Variants in FBLN1 observed in about 807,000 individuals in gnomAD.
FBLN1 encodes the protein fibulin 1, also known as fibulin-1.
In FBLN1, 34 loss-of-function variants were observed where a neutral mutation model predicts 89.7. That is an observed-to-expected ratio of 0.38 (90% CI 0.29 to 0.50). The LOEUF is 0.50. FBLN1 is among the 20% of genes least tolerant of loss of function. The pLI is 0.92. For missense variants in FBLN1, 777 were observed against 988.1 expected, an observed-to-expected ratio of 0.79 and a Z score of 2.86; for synonymous variants, 393 against 391.3, an observed-to-expected ratio of 1.00 and a Z score of -0.05.
chr22:45,584,587 T>C (rs943066059), intron 16 of FBLN1, among the ~76,000 whole-genome samples: 2 of 152,150 alleles, frequency 1.3e-5, no homozygotes, highest in Non-Finnish European at 2.9e-5. Flanking sequence ...CTCAGTAAAA[T>C]TGCCATAATA....
At chr22:45,541,887 C>G (rs1180208454) in intron 9 of FBLN1, among the ~76,000 whole-genome samples, 1 of 152,214 alleles carries the variant, frequency 6.6e-6, no homozygotes, top group Non-Finnish European at 1.5e-5. Flanking sequence ...ACCCCCAGGA[C>G]ACTTCTTCAG....
At position 45,563,886 on chromosome 22, in the gene FBLN1, G is replaced by A. The variant is rs2088878200; in HGVS notation, c.1698-10625G>A. Among the ~76,000 whole-genome samples, 1 of 152,230 alleles carries A rather than the reference G, an allele frequency of 6.6e-6. No homozygotes were observed. Among genetic ancestry groups the A allele is most frequent in the Non-Finnish European group, 1.5e-5 (1 of 68,038 alleles). On this transcript the variant is annotated intron_variant, in intron 14 of 16. Transcript: ENST00000327858. This position sits in a 1 kb window ranked among gnomAD's most constrained non-coding sequence, Gnocchi z 5.7. ...ATCAGAAGCCCAAATCTGTGGTGCA[G>A]AAACACGGGATGCGGTTGCGGCTCC...
At chr22:45,598,294 G>A (rs1358249884) in intron 16 of FBLN1, among the ~76,000 whole-genome samples, 2 of 152,174 alleles carry the variant, frequency 1.3e-5, no homozygotes, top group African/African-American at 4.8e-5. Context: ...GTGTTGCCAC[G>A]TGGTACCGGA....
At chr22:45,553,357 A>T (rs2088730087) in intron 14 of FBLN1, among the ~76,000 whole-genome samples, 3 of 152,008 alleles carry the variant, frequency 2.0e-5, no homozygotes, top group Admixed American at 2.0e-4. Flanking sequence ...TGCTGAGGGG[A>T]CATGTCTGGA....
rs1376557603 is a variant in FBLN1, at chr22:45,563,841, C to T, written c.1698-10670C>T. On this transcript the variant is annotated intron_variant, in intron 14 of 16. Coordinates refer to ENST00000327858, the MANE Select transcript of FBLN1 (RefSeq NM_006486.3). The surrounding 1 kb of genome is among the most constrained non-coding windows in gnomAD (Gnocchi z 5.7). ...GAAAGCTCTCTCCTGAGATTCAAGC[C>T]TCCTCTTCTGTTTGTCTTGATCAGA... 3.3e-5 allele frequency among the ~76,000 whole-genome samples: 5 copies of T among 152,316 alleles called. No individual in the cohort carries two copies.
intron 1 of FBLN1, 100 bp from the exon 2 acceptor site, chr22:45,518,582 T>C (rs1364320256): frequency 1.1e-5 from 10 of 883,340 alleles, no homozygotes; most frequent in Non-Finnish European, 1.7e-5. Flanking sequence ...GATGCTGTCG[T>C]CAAGACAGAA....
At chr22:45,598,325 C>T (rs192156311) in intron 16 of FBLN1, among the ~76,000 whole-genome samples, 13 of 152,310 alleles carry the variant, frequency 8.5e-5, no homozygotes, top group Admixed American at 7.8e-4. Context: ...AGAAATTGGC[C>T]GATGGTACGA....
chr22:45,592,494 A>G (rs1192472939), intron 16 of FBLN1, among the ~76,000 whole-genome samples: 5 of 151,916 alleles, frequency 3.3e-5, no homozygotes, highest in African/African-American at 9.7e-5. Context: ...TGCCCAGCTA[A>G]TTTTTGTATT....
At chr22:45,539,298 T>C (rs918690869) in intron 8 of FBLN1, among the ~76,000 whole-genome samples, 1 of 149,776 alleles carries the variant, frequency 6.7e-6, no homozygotes, top group African/African-American at 2.5e-5. Flanking sequence ...CCTGCTGGGT[T>C]CAAGCAGTTC....
Position 45,583,413 on chromosome 22 carries a change from T to C in FBLN1, c.1972+6305T>C, listed in dbSNP as rs2147034725. ...TCACCTTAGACATGGTCACCTATAT[T>C]ACATTTAGGAAGGAAACGCCCTAAT... On this transcript the variant is annotated intron_variant, in intron 16 of 16. Coordinates refer to ENST00000327858, the MANE Select transcript of FBLN1 (RefSeq NM_006486.3). The surrounding 1 kb of genome is among the most constrained non-coding windows in gnomAD (Gnocchi z 4.5). 6.6e-6 allele frequency among the ~76,000 whole-genome samples: 1 copy of C among 152,324 alleles called. No individual in the cohort carries two copies. Among genetic ancestry groups the C allele is most frequent in the East Asian group, 1.9e-4 (1 of 5,188 alleles).
At position 45,525,461 on chromosome 22, in the gene FBLN1, G is replaced by A. The variant is rs561382448; in HGVS notation, c.186-82G>A. 62 of 1,307,170 alleles carry A rather than the reference G, an allele frequency of 4.7e-5. No homozygotes were observed. In the African/African-American group the frequency reaches 8.3e-4, roughly 18 times the overall value. 81.0% of individuals were successfully genotyped at this position (1,307,170 alleles called of 1,614,324 possible). Reference sequence around the variant, plus strand: ...AGCAGGGAAGGGGAGGCTCAAAGGTGAGAGCACCCCCACCCCCGAGGATCT... The same window carrying A: ...AGCAGGGAAGGGGAGGCTCAAAGGTAAGAGCACCCCCACCCCCGAGGATCT... On this transcript the variant is annotated intron_variant, in intron 2 of 16. Transcript: ENST00000327858.
chr22:45,595,691 AC>A (rs2089178115), intron 16 of FBLN1, among the ~76,000 whole-genome samples: 2 of 152,312 alleles, frequency 1.3e-5, no homozygotes, highest in Admixed American at 6.5e-5. Flanking sequence ...CAAGAGAAAT[AC>A]TTAACACCTG....
rs1204538352 is a variant in FBLN1 at position 45,549,068 on chromosome 22, G to A, written c.1573+324G>A. Among the ~76,000 whole-genome samples the A allele has an allele frequency of 6.6e-6, 1 of 152,202 alleles. No individual in the cohort carries two copies. Among genetic ancestry groups the A allele is most frequent in the Non-Finnish European group, 1.5e-5 (1 of 68,026 alleles). On this transcript the variant is annotated intron_variant, in intron 13 of 16. Transcript: ENST00000327858. The surrounding 1 kb of genome is among the most constrained non-coding windows in gnomAD (Gnocchi z 5.7). ...CTGGAACAGAGGCCTTTAGGAAGATGCCCGCCAGGGAGGAAGCAGTCCAGG... is the reference window on the plus strand; with the variant it reads ...CTGGAACAGAGGCCTTTAGGAAGATACCCGCCAGGGAGGAAGCAGTCCAGG...
intron 1 of FBLN1, among the ~76,000 whole-genome samples, chr22:45,511,883 G>A (rs2088106369): frequency 6.6e-6 from 1 of 152,170 alleles, no homozygotes; most frequent in Admixed American, 6.5e-5. Flanking sequence ...AGGTTAACGA[G>A]ATTTTGCAAG....
rs772286493 is a variant in FBLN1, at chr22:45,550,563, T to C, written c.1645T>C (p.Phe549Leu). 1.2e-6 allele frequency: 2 copies of C among 1,614,110 alleles called. No homozygotes were observed. The highest frequency in any genetic ancestry group is 1.3e-5 in the African/African-American group (1 of 75,044). Residue 549 changes from phenylalanine to leucine, a missense_variant, in exon 14 of 17, where the codon TTC becomes CTC. By Grantham distance (22) the Phe-to-Leu change is conservative. Coordinates refer to ENST00000327858, the MANE Select transcript of FBLN1 (RefSeq NM_006486.3). This position sits in a 1 kb window ranked among gnomAD's most constrained non-coding sequence, Gnocchi z 8.4. ...GACCTGCTTCAACATCCAGGGCGGC[T>C]TCCGCTGCCTGGCCTTCGAGTGCCC... ...NETCFNIQGG[F>L]RCLAFECPEN... is the part of the protein sequence containing the mutation.
intron 14 of FBLN1, among the ~76,000 whole-genome samples, chr22:45,573,120 G>C (rs2088964145): frequency 6.6e-6 from 1 of 152,080 alleles, no homozygotes; most frequent in South Asian, 2.1e-4. Flanking sequence ...CAGCTACTTG[G>C]GAGGCTGAGG....
At chr22:45,554,058 G>A (rs2088743115) in intron 14 of FBLN1, among the ~76,000 whole-genome samples, 1 of 152,240 alleles carries the variant, frequency 6.6e-6, no homozygotes, top group African/African-American at 2.4e-5. Flanking sequence ...GGCCGACTTT[G>A]AAAGCCAAGC....
chr22:45,584,621 G>C (rs1191872023), intron 16 of FBLN1, among the ~76,000 whole-genome samples: 1 of 152,192 alleles, frequency 6.6e-6, no homozygotes, highest in East Asian at 1.9e-4. Context: ...AGGGTAATAG[G>C]GACTGAGGTG....
At chr22:45,594,812 G>GGATC (rs1298990170) in intron 16 of FBLN1, among the ~76,000 whole-genome samples, 4 of 151,916 alleles carry the variant, frequency 2.6e-5, no homozygotes, top group African/African-American at 9.7e-5. Flanking sequence ...ATGGATGGTT[G>GGATC]GATCCATGGG....
Sources: gnomAD v4.1 joint callset for allele counts (sites outside exome capture counted in the v4.1 genomes callset) on GRCh38, gnomAD v4.1.1 for gene constraint, Gnocchi (gnomAD v3.1) non-coding constraint, MANE v1.5 for transcripts, NCBI Gene and HGNC (gene_info 2026-07-23, HGNC 2026-07-21) for gene names.